Variants in PCMTD1 observed in about 807,000 individuals in gnomAD.
The protein encoded by PCMTD1 is protein-L-isoaspartate O-methyltransferase domain-containing protein 1.
Under a neutral mutation model 37.6 loss-of-function variants are expected in PCMTD1, and 12 were observed. That is an observed-to-expected ratio of 0.32 (90% confidence interval 0.20 to 0.52). The LOEUF (loss-of-function observed/expected upper bound fraction) is 0.52. PCMTD1 is among the 20% of genes least tolerant of loss of function. PCMTD1 has a pLI of 0.97. For synonymous variants in PCMTD1, 117 were observed against 135.8 expected, an observed-to-expected ratio of 0.86 and a Z score of 0.96; for missense variants, 235 against 421.3, an observed-to-expected ratio of 0.56 and a Z score of 3.87.
intron 3 of PCMTD1, among the ~76,000 whole-genome samples, chr8:51,834,902 T>C (rs899047288): frequency 6.6e-6 from 1 of 152,134 alleles, no homozygotes; most frequent in Non-Finnish European, 1.5e-5. Flanking sequence ...TGTACTATTG[T>C]CTTCATGCCC....
At chr8:51,826,475 C>A (rs1284970572) in intron 5 of PCMTD1, among the ~76,000 whole-genome samples, 4 of 152,074 alleles carry the variant, frequency 2.6e-5, no homozygotes, top group Admixed American at 2.6e-4. Flanking sequence ...ACCTATGTAA[C>A]AAAACTGCAC....
At chr8:51,866,237 T>C (rs539569451) in intron 1 of PCMTD1, among the ~76,000 whole-genome samples, 1 of 152,076 alleles carries the variant, frequency 6.6e-6, no homozygotes, top group African/African-American at 2.4e-5. Context: ...CTACCAACAG[T>C]GGTTTACAGA....
At chr8:51,860,742 A>G in intron 2 of PCMTD1, 103 bp downstream of exon 2, 1 of 958,662 alleles carries the variant, frequency 1.0e-6, no homozygotes, top group Non-Finnish European at 1.5e-6. Context: ...CTGTGTATAC[A>G]CATTCAAACA....
chr8:51,897,307 G>A (rs1563368464), intron 1 of PCMTD1, among the ~76,000 whole-genome samples: 1 of 152,206 alleles, frequency 6.6e-6, no homozygotes, highest in Non-Finnish European at 1.5e-5. Flanking sequence ...AGTAGGCAGT[G>A]TAGTATCACC....
At chr8:51,847,823 A>C (rs773830933) in intron 2 of PCMTD1, among the ~76,000 whole-genome samples, 1 of 152,024 alleles carries the variant, frequency 6.6e-6, no homozygotes, top group Non-Finnish European at 1.5e-5. Context: ...CACACCTATA[A>C]TCCCAGCACT....
intron 2 of PCMTD1, among the ~76,000 whole-genome samples, chr8:51,851,211 T>C (rs557539578): frequency 7.2e-5 from 11 of 152,330 alleles, no homozygotes; most frequent in African/African-American, 1.9e-4. Context: ...CTCTCCAGTT[T>C]TGGGGGAGGC....
chr8:51,899,158 G>A (rs773443958), upstream of PCMTD1: 4 of 1,336,904 alleles, frequency 3.0e-6, no homozygotes, highest in Non-Finnish European at 3.8e-6. Flanking sequence ...GGACGCCAAA[G>A]TCAACAAGGC....
intron 3 of PCMTD1, chr8:51,845,458 C>A (rs910968730): frequency 7.4e-6 from 3 of 407,608 alleles, no homozygotes; most frequent in East Asian, 7.5e-5. Flanking sequence ...AGCAAAAAAT[C>A]ACATTATTTA....
chr8:51,898,475 C>T (rs71513562), intron 1 of PCMTD1, among the ~76,000 whole-genome samples: 9,189 of 152,168 alleles, frequency 0.06, 375 homozygotes, highest in Non-Finnish European at 0.087. Context: ...GCCTCCAAAA[C>T]CAAAACAGAA....
chr8:51,827,163 C>A, intron 5 of PCMTD1: 4 of 1,047,922 alleles, frequency 3.8e-6, no homozygotes, highest in Non-Finnish European at 4.6e-6. Flanking sequence ...TATCAATTTT[C>A]AAAACTATTT....
At chr8:51,864,482 G>A (rs2038521959) in intron 1 of PCMTD1, among the ~76,000 whole-genome samples, 1 of 152,126 alleles carries the variant, frequency 6.6e-6, no homozygotes. Context: ...TACAAAATAA[G>A]TCTCTATGAA....
At chr8:51,889,528 A>G (rs1430199922) in intron 1 of PCMTD1, among the ~76,000 whole-genome samples, 1 of 152,188 alleles carries the variant, frequency 6.6e-6, no homozygotes, top group East Asian at 1.9e-4. Flanking sequence ...GTCCCTCAAC[A>G]CTGTTGATTG....
intron 2 of PCMTD1, chr8:51,849,185 T>C (rs943367742): frequency 3.9e-5 from 6 of 152,150 alleles, no homozygotes; most frequent in African/African-American, 7.2e-5. Context: ...TATGCTCTTG[T>C]ATAAAATTTG....
chr8:51,822,653 G>C (rs1300565329), intron 5 of PCMTD1, among the ~76,000 whole-genome samples: 1 of 152,208 alleles, frequency 6.6e-6, no homozygotes, highest in Non-Finnish European at 1.5e-5. Flanking sequence ...ACTGCAGAGT[G>C]TGTGCTGCCT....
intron 2 of PCMTD1, chr8:51,849,956 C>T: frequency 1.5e-6 from 1 of 659,928 alleles, no homozygotes; most frequent in Non-Finnish European, 2.7e-6. Context: ...TTCACTGTGC[C>T]TTTAGTATTT....
intron 3 of PCMTD1, among the ~76,000 whole-genome samples, chr8:51,837,215 A>G (rs1340471391): frequency 6.6e-6 from 1 of 152,296 alleles, no homozygotes; most frequent in East Asian, 1.9e-4. Context: ...AGAAAAATCA[A>G]ATCTCTAAAT....
At chr8:51,876,310 A>C (rs2038712427) in intron 1 of PCMTD1, among the ~76,000 whole-genome samples, 1 of 152,200 alleles carries the variant, frequency 6.6e-6, no homozygotes, top group African/African-American at 2.4e-5. Context: ...TATAGCCTAG[A>C]CTATATCCTA....
At chr8:51,839,747 G>C in intron 3 of PCMTD1, 1 of 436,158 alleles carries the variant, frequency 2.3e-6, no homozygotes, top group Non-Finnish European at 3.0e-6. Flanking sequence ...TGAAATTTTA[G>C]ACAATTATTC....
chr8:51,880,865 A>C (rs892428721), intron 1 of PCMTD1, among the ~76,000 whole-genome samples: 1 of 152,250 alleles, frequency 6.6e-6, no homozygotes, highest in African/African-American at 2.4e-5. Flanking sequence ...ACAACTTAAA[A>C]GTTAAAGAGT....
Sources: allele counts gnomAD v4.1 joint callset (sites outside exome capture counted in the v4.1 genomes callset), GRCh38; gene constraint gnomAD v4.1.1; transcripts MANE v1.5; gene names NCBI Gene and HGNC (gene_info 2026-07-23, HGNC 2026-07-21).